The following KMT2B variants were observed in gnomAD, a reference collection of about 807,000 sequenced individuals.
KMT2B encodes the protein histone-lysine N-methyltransferase 2B.
In KMT2B, 22 loss-of-function variants were observed where a neutral mutation model predicts 255.3. That is an observed-to-expected ratio of 0.09 (90% CI 0.06 to 0.12). The LOEUF (loss-of-function observed/expected upper bound fraction) is 0.12, where lower values mean the gene tolerates loss of function less well. KMT2B is among the 10% of genes least tolerant of loss of function. KMT2B has a pLI of 1.00. For missense variants in KMT2B, 3,149 were observed against 3,737.0 expected, an observed-to-expected ratio of 0.84 and a Z score of 4.10; for synonymous variants, 1,730 against 1,498.1, an observed-to-expected ratio of 1.15 and a Z score of -3.57.
At position 35,732,278 on chromosome 19, in the gene KMT2B, C is replaced by A; in HGVS notation, c.5729C>A (p.Pro1910His). ...GGAGACCCGGACTTCCCAGCTCCCC[C>A]CAGACGTTCCCGTCGTCCCAGCCCT... ...TVGDPDFPAP[P>H]RRSRRPSPLA... The change falls in exon 28 of 37, where the codon CCC becomes CAC. Residue 1910 changes from proline to histidine, a missense_variant. Physicochemically the swap from Pro to His is moderately conservative, Grantham distance 77 (BLOSUM62 -2). This residue lies in a region of KMT2B where 897 missense variants were observed against 825.3 expected (regional missense o/e 1.09). Transcript: ENST00000420124. The A allele has an allele frequency of 1.2e-6, 2 of 1,610,420 alleles. No individual in the cohort carries two copies. The highest frequency in any genetic ancestry group is 2.2e-5 in the South Asian group (2 of 90,260).
At position 35,725,692 on chromosome 19, in the gene KMT2B, G is replaced by A. The variant is rs1599680662; in HGVS notation, c.3790-31G>A. ...GGTGAGGGCATCCCTGTGCCAGCAG[G>A]TTTCGCCATCTCTGTCTCCACATCC... On this transcript the variant is annotated intron_variant, in intron 12 of 36. Coordinates refer to ENST00000420124, the MANE Select transcript of KMT2B (RefSeq NM_014727.3). The surrounding 1 kb of genome is among the most constrained non-coding windows in gnomAD (Gnocchi z 4.1). The A allele has an allele frequency of 1.9e-6, 3 of 1,613,220 alleles. No individual in the cohort carries two copies. In the South Asian group the frequency reaches 3.3e-5, roughly 18 times the overall value.
chr19:35,718,075 C>T lies in KMT2B; in HGVS notation c.57C>T (p.Arg19=). ...SCPGPGSARG[R]FPGRPRGAGG... is the part of the protein sequence containing the mutation. ...CCGGGCCTGGCTCCGCGCGGGGCCG[C>T]TTCCCGGGCCGGCCGCGGGGCGCCG... Residue 19 remains arginine (R), a synonymous_variant, in exon 1 of 37, where the codon CGC becomes CGT. Transcript: ENST00000420124. The surrounding 1 kb of genome is among the most constrained non-coding windows in gnomAD (Gnocchi z 5.0). 1 of 987,166 alleles carries T rather than the reference C, an allele frequency of 1.0e-6. No individual in the cohort carries two copies. Among genetic ancestry groups the T allele is most frequent in the Non-Finnish European group, 1.2e-6 (1 of 832,538 alleles). The allele number at this position is 987,166 out of a possible 1,614,324, so 61.2% of individuals were successfully genotyped here. A position where few individuals can be genotyped will look rare whatever the true frequency, so the allele number is the denominator to read the frequency against.
At chr19:35,724,869 G>A in intron 9 of KMT2B, 120 bp from the exon 10 acceptor site, 1 of 1,135,900 alleles carries the variant, frequency 8.8e-7, no homozygotes, top group Non-Finnish European at 1.3e-6. Flanking sequence ...TGCCTGTCTG[G>A]AAAGCAAAGG....
At position 35,724,522 on chromosome 19, in the gene KMT2B, C is replaced by T. The variant is rs1461043504; in HGVS notation, c.3335-115C>T. The T allele has an allele frequency of 1.1e-5, 9 of 842,452 alleles. No homozygotes were observed. The South Asian group carries it at 1.3e-4, about 12-fold the overall frequency. 52.2% of individuals were successfully genotyped at this position (842,452 alleles called of 1,614,324 possible). ...TCAAAAAACAAGAAAAAGAATCGTC[C>T]TGGCGGGTCTTGGTTAGTTAAAGAA... On this transcript the variant is annotated intron_variant, in intron 8 of 36. Transcript: ENST00000420124.
intron 30 of KMT2B, chr19:35,736,317 C>A (rs571039889): frequency 2.1e-4 from 39 of 189,506 alleles, no homozygotes; most frequent in Admixed American, 4.3e-4. Context: ...AATAGATGTG[C>A]AAAATACAAT....
intron 9 of KMT2B, 34 bp from the exon 10 acceptor site, chr19:35,724,955 G>A (rs1969375998): frequency 2.7e-6 from 4 of 1,464,874 alleles, no homozygotes; most frequent in Non-Finnish European, 3.8e-6. Context: ...CGGCCAGGCT[G>A]GCAGCTCTGA....
At position 35,737,474 on chromosome 19, in the gene KMT2B, G is replaced by T; in HGVS notation, c.7551-162G>T. On this transcript the variant is annotated intron_variant, in intron 33 of 36. Transcript: ENST00000420124. This position sits in a 1 kb window ranked among gnomAD's most constrained non-coding sequence, Gnocchi z 5.3. Reference sequence around the variant, plus strand: ...AGGCAGGAGGATCGCATGAGCCCAGGAGTTGGAGACCAGCGTAGGCAACAT... The same window carrying T: ...AGGCAGGAGGATCGCATGAGCCCAGTAGTTGGAGACCAGCGTAGGCAACAT... 1 of 751,516 alleles carries T rather than the reference G, an allele frequency of 1.3e-6. No individual in the cohort carries two copies. Among genetic ancestry groups the T allele is most frequent in the Non-Finnish European group, 2.1e-6 (1 of 476,604 alleles). The allele number at this position is 751,516 out of a possible 1,614,324, so 46.6% of individuals were successfully genotyped here.
intron 25 of KMT2B, 21 bp downstream of exon 25, chr19:35,730,637 A>C: frequency 6.2e-7 from 1 of 1,613,922 alleles, no homozygotes; most frequent in African/African-American, 1.3e-5. Flanking sequence ...GGGGTGATCC[A>C]TGGGGCCAGG....
In KMT2B at chr19:35,726,469, A is replaced by C. The variant is rs913139445; in HGVS notation, c.4003+116A>C. On this transcript the variant is annotated intron_variant, in intron 14 of 36. Transcript: ENST00000420124. Reference sequence around the variant, plus strand: ...TGGCTTTCCACCTTGTAGCTATGGGACTATCTCTTCAACTCAGGGAACTCT... The same window carrying C: ...TGGCTTTCCACCTTGTAGCTATGGGCCTATCTCTTCAACTCAGGGAACTCT... 5 of 715,458 alleles carry C rather than the reference A, an allele frequency of 7.0e-6. No individual in the cohort carries two copies. In the African/African-American group the frequency reaches 8.8e-5, roughly 13 times the overall value. The allele number at this position is 715,458 out of a possible 1,614,324, so 44.3% of individuals were successfully genotyped here.
intron 30 of KMT2B, among the ~76,000 whole-genome samples, chr19:35,734,263 A>G (rs1216412398): frequency 6.6e-6 from 1 of 151,786 alleles, no homozygotes; most frequent in Non-Finnish European, 1.5e-5. Flanking sequence ...AGATCAGAAG[A>G]GTGGTGTCCC....
At chr19:35,724,089 C>A in intron 8 of KMT2B, 82 bp downstream of exon 8, 1 of 1,350,270 alleles carries the variant, frequency 7.4e-7, no homozygotes, top group Non-Finnish European at 1.0e-6. Context: ...GCACCCAGAC[C>A]CAGGGCTCTG....
chr19:35,737,759 TGGG>T lies in KMT2B; in HGVS notation c.7658+20_7658+22del. ...GGTCAACCAGGTATGGAGTGTGAGC[TGGG>T]GGGCGGGTGGTGGTCTGGAAGGGTC... On this transcript the variant is annotated intron_variant, in intron 34 of 36. Coordinates refer to ENST00000420124, the MANE Select transcript of KMT2B (RefSeq NM_014727.3). The surrounding 1 kb of genome is among the most constrained non-coding windows in gnomAD (Gnocchi z 5.3). 1 of 1,561,248 alleles carries T rather than the reference TGGG, an allele frequency of 6.4e-7. No individual in the cohort carries two copies. The highest frequency in any genetic ancestry group is 8.7e-7 in the Non-Finnish European group (1 of 1,151,462).
chr19:35,721,798 C>T lies in KMT2B; in HGVS notation c.2451C>T (p.Ser817=). The T allele has an allele frequency of 6.3e-7, 1 of 1,584,294 alleles. No individual in the cohort carries two copies. Among genetic ancestry groups the T allele is most frequent in the Non-Finnish European group, 8.6e-7 (1 of 1,163,772 alleles). The part of the protein sequence containing the change: ...DQQQQQKVAA[S]MPLSPGGQME... Reference sequence around the variant, plus strand: ...AGCAGCAGCAGAAGGTGGCAGCTTCCATGCCGGTGAGTGTGGTCCCTGGGC... The same window carrying T: ...AGCAGCAGCAGAAGGTGGCAGCTTCTATGCCGGTGAGTGTGGTCCCTGGGC... The change falls in exon 3 of 37, where the codon TCC becomes TCT. Residue 817 remains serine, a synonymous_variant. Coordinates refer to ENST00000420124, the MANE Select transcript of KMT2B (RefSeq NM_014727.3).
Position 35,733,303 on chromosome 19 carries a change from G to GCCCCCCCCCCCCC in KMT2B, c.6758_6759insCCCCCCCCCCCCC (p.Pro2258AlafsTer49). 3.7e-6 allele frequency: 5 copies of GCCCCCCCCCCCCC among 1,340,090 alleles called. No individual in the cohort carries two copies. Among genetic ancestry groups the GCCCCCCCCCCCCC allele is most frequent in the Admixed American group, 2.0e-5 (1 of 49,284 alleles). The allele number at this position is 1,340,090 out of a possible 1,614,324, so 83.0% of individuals were successfully genotyped here. Reference sequence around the variant, plus strand: ...GCCCGTGGTCGGAGTGGTCCGCCCTGCCCCGCCCCCGCCACCCCCTCCCCT... The same window carrying GCCCCCCCCCCCCC: ...GCCCGTGGTCGGAGTGGTCCGCCCTGCCCCCCCCCCCCCCCCCGCCCCCGCCACCCCCTCCCCT... On this transcript the variant is annotated frameshift_variant, in exon 28 of 37. Coordinates refer to ENST00000420124, the MANE Select transcript of KMT2B (RefSeq NM_014727.3). LOFTEE classifies it high-confidence loss of function. This position sits in a 1 kb window ranked among gnomAD's most constrained non-coding sequence, Gnocchi z 4.3.
rs1041311809 is a variant in KMT2B, at chr19:35,721,247, C to T, written c.1900C>T (p.Pro634Ser). ...APPPPPAPSPPPAPATSSRRP... is the reference protein window; with the variant it reads ...APPPPPAPSPSPAPATSSRRP... ...TCCACCTCCCCCGGCCCCCTCCCCA[C>T]CCCCTGCTCCTGCCACCTCCTCCCG... The change falls in exon 3 of 37, where the codon CCC becomes TCC. Residue 634 changes from proline (P) to serine (S), a missense_variant. Pro to Ser is a moderately conservative substitution (Grantham distance 74, BLOSUM62 -1). This residue lies in a region of KMT2B where 1,188 missense variants were observed against 1,106.4 expected (regional missense o/e 1.07). Coordinates refer to ENST00000420124, the MANE Select transcript of KMT2B (RefSeq NM_014727.3). 131 of 1,520,100 alleles carry T rather than the reference C, an allele frequency of 8.6e-5. No individual in the cohort carries two copies. Among genetic ancestry groups the T allele is most frequent in the Non-Finnish European group, 1.1e-4 (130 of 1,130,710 alleles). 94.2% of individuals were successfully genotyped at this position (1,520,100 alleles called of 1,614,324 possible).
chr19:35,720,111 C>T lies in KMT2B; in HGVS notation c.764C>T (p.Pro255Leu). The T allele has an allele frequency of 6.3e-7, 1 of 1,599,582 alleles. No homozygotes were observed. The highest frequency in any genetic ancestry group is 8.5e-7 in the Non-Finnish European group (1 of 1,173,160). The change falls in exon 3 of 37, where the codon CCT (proline) becomes CTT (leucine). Residue 255 changes from proline to leucine, a missense_variant. Physicochemically the swap from Pro to Leu is moderately conservative, Grantham distance 98. This residue lies in a region of KMT2B where 1,188 missense variants were observed against 1,106.4 expected (regional missense o/e 1.07). Transcript: ENST00000420124. ...VTIPKPEPPPPVVPVKHQTGS... is the reference protein window; with the variant it reads ...VTIPKPEPPPLVVPVKHQTGS... Reference sequence around the variant, plus strand: ...ATCCCCAAACCTGAGCCCCCACCTCCTGTGGTTCCAGTGAAACATCAGACT... The same window carrying T: ...ATCCCCAAACCTGAGCCCCCACCTCTTGTGGTTCCAGTGAAACATCAGACT...
intron 30 of KMT2B, chr19:35,736,369 C>G (rs1969917143): frequency 3.6e-6 from 1 of 277,392 alleles, no homozygotes; most frequent in Non-Finnish European, 6.8e-6. Flanking sequence ...AGAATAATGA[C>G]AGGTAGATGG....
chr19:35,727,350 G>T lies in KMT2B; in HGVS notation c.4117+81G>T. 1 of 1,576,142 alleles carries T rather than the reference G, an allele frequency of 6.3e-7. No homozygotes were observed. The highest frequency in any genetic ancestry group is 8.7e-7 in the Non-Finnish European group (1 of 1,146,400). Reference sequence around the variant, plus strand: ...CACCACAGGCCCCAAGAGGACTGGTGGGCTAAGGGTCCTTGCTGGCCTAGG... The same window carrying T: ...CACCACAGGCCCCAAGAGGACTGGTTGGCTAAGGGTCCTTGCTGGCCTAGG... On this transcript the variant is annotated intron_variant, in intron 15 of 36. Coordinates refer to ENST00000420124, the MANE Select transcript of KMT2B (RefSeq NM_014727.3). The surrounding 1 kb of genome is among the most constrained non-coding windows in gnomAD (Gnocchi z 4.2).
intron 14 of KMT2B, among the ~76,000 whole-genome samples, chr19:35,726,608 T>C (rs1170322070): frequency 6.6e-6 from 1 of 152,124 alleles, no homozygotes; most frequent in Non-Finnish European, 1.5e-5. Context: ...TCCTGGAACC[T>C]CACGTCTCCA....
Sources: allele counts gnomAD v4.1 joint callset (sites outside exome capture counted in the v4.1 genomes callset), GRCh38; gene constraint gnomAD v4.1.1; regional missense constraint gnomAD v4.1.1; non-coding constraint Gnocchi (gnomAD v3.1); transcripts MANE v1.5; gene names NCBI Gene and HGNC (gene_info 2026-07-23, HGNC 2026-07-21).